The following PSMF1 variants were observed in gnomAD, a reference collection of about 807,000 sequenced individuals.
The protein encoded by PSMF1 is proteasome inhibitor PI31 subunit.
A neutral mutation model predicts 29.3 loss-of-function variants in PSMF1; 30 were observed. The observed-to-expected ratio is 1.02, with a 90% CI of 0.77 to 1.39. The LOEUF is 1.39. Among genes scored for constraint, PSMF1 ranks in the 40% most tolerant of loss-of-function variants. The probability of loss-of-function intolerance (pLI) is 0.00; values close to 1 mark genes in which losing one functional copy is unlikely to be tolerated. For missense variants in PSMF1, 344 were observed against 357.5 expected (o/e 0.96, Z 0.31); for synonymous variants, 134 against 139.7 (o/e 0.96, Z 0.29).
chr20:1,124,455 A>AT, intron 1 of PSMF1, among the ~76,000 whole-genome samples: 1 of 152,242 alleles, frequency 6.6e-6, no homozygotes, highest in Admixed American at 6.5e-5. Flanking sequence ...AGGAGCTTTC[A>AT]TACATTGCTA....
chr20:1,127,587 T>A, intron 3 of PSMF1, 79 bp downstream of exon 3: 1 of 1,176,766 alleles, frequency 8.5e-7, no homozygotes. Context: ...GGTGGATGTG[T>A]CCAGAAAATT....
intron 1 of PSMF1, among the ~76,000 whole-genome samples, chr20:1,120,827 A>G (rs1304771785): frequency 6.6e-6 from 1 of 151,990 alleles, no homozygotes; most frequent in Non-Finnish European, 1.5e-5. Context: ...ACCTACTCCT[A>G]GCTAGCTACT....
At chr20:1,122,176 C>T (rs2086095941) in intron 1 of PSMF1, among the ~76,000 whole-genome samples, 1 of 152,172 alleles carries the variant, frequency 6.6e-6, no homozygotes, top group African/African-American at 2.4e-5. Context: ...CTAGCCATAG[C>T]CTGGGCAATC....
At chr20:1,141,754 A>G (rs2086383475) in intron 4 of PSMF1, among the ~76,000 whole-genome samples, 2 of 152,234 alleles carry the variant, frequency 1.3e-5, no homozygotes, top group Non-Finnish European at 2.9e-5. Context: ...AGATGACATA[A>G]TGATCTACAT....
intron 3 of PSMF1, among the ~76,000 whole-genome samples, chr20:1,132,211 A>G (rs996544678): frequency 2.6e-5 from 4 of 151,482 alleles, no homozygotes; most frequent in African/African-American, 7.3e-5. Context: ...TTCTTCGTCA[A>G]GGTAGTTGTA....
Position 1,165,874 on chromosome 20 carries a change from C to A in PSMF1, c.*794C>A. The A allele has an allele frequency of 8.5e-7, 1 of 1,173,556 alleles. No individual in the cohort carries two copies. Among genetic ancestry groups the A allele is most frequent in the Non-Finnish European group, 1.1e-6 (1 of 942,610 alleles). The allele number at this position is 1,173,556 out of a possible 1,614,324, so 72.7% of individuals were successfully genotyped here. On this transcript the variant is annotated 3_prime_UTR_variant, in exon 7 of 7. Transcript: ENST00000335877. Reference sequence around the variant, plus strand: ...ACCTGAAGGCTAATCTTATTTTTGCCACTAACTTAGTGAATGACCCTAAGC... The same window carrying A: ...ACCTGAAGGCTAATCTTATTTTTGCAACTAACTTAGTGAATGACCCTAAGC...
At position 1,133,569 on chromosome 20, in the gene PSMF1, A is replaced by ATATATATATATATATTTTT; in HGVS notation, c.366-1551_366-1550insATATATATATATATTTTTT. On this transcript the variant is annotated intron_variant, in intron 3 of 6. Transcript: ENST00000335877. ...TCTATATATGTGTATATATATATAT[A>ATATATATATATATATTTTT]TTTTTTTTTTTTTTTTGGTGTAGTC... is the stretch of plus-strand genomic sequence containing the variant. 4.2e-3 allele frequency among the ~76,000 whole-genome samples: 226 copies of ATATATATATATATATTTTT among 53,208 alleles called. 4 individuals are homozygous for ATATATATATATATATTTTT. The highest frequency in any genetic ancestry group is 8.1e-3 in the Non-Finnish European group (176 of 21,834). 34.9% of individuals were successfully genotyped at this position (53,208 alleles called of 152,430 possible). A position where few individuals can be genotyped will look rare whatever the true frequency, so the allele number is the denominator to read the frequency against.
At chr20:1,138,582 G>T (rs1306726323) in intron 4 of PSMF1, among the ~76,000 whole-genome samples, 5 of 150,028 alleles carry the variant, frequency 3.3e-5, no homozygotes, top group Non-Finnish European at 7.4e-5. Context: ...TAGAAAAATA[G>T]CATTTGACAA....
At position 1,125,502 on chromosome 20, in the gene PSMF1, G is replaced by C. The variant is rs755988274; in HGVS notation, c.134G>C (p.Gly45Ala). 1.2e-6 allele frequency: 2 copies of C among 1,606,958 alleles called. No individual in the cohort carries two copies. The highest frequency in any genetic ancestry group is 4.5e-5 in the East Asian group (2 of 44,846). Reference sequence around the variant, plus strand: ...TCTCAACTGTGGTCTTCCCAGCCGGGTCCCAATGATAAGAAGTCAGAACTG... The same window carrying C: ...TCTCAACTGTGGTCTTCCCAGCCGGCTCCCAATGATAAGAAGTCAGAACTG... ...YFGLGVGDQPGPNDKKSELLP... is the reference protein window; with the variant it reads ...YFGLGVGDQPAPNDKKSELLP... The change falls in exon 2 of 7, where the codon GGT becomes GCT. Residue 45 changes from glycine (G) to alanine (A), a missense_variant. Physicochemically the swap from Gly to Ala is moderately conservative, Grantham distance 60. Transcript: ENST00000335877.
At chr20:1,121,237 GTT>G (rs1423120360) in intron 1 of PSMF1, among the ~76,000 whole-genome samples, 1 of 152,092 alleles carries the variant, frequency 6.6e-6, no homozygotes, top group Non-Finnish European at 1.5e-5. Context: ...AAAGATGCTG[GTT>G]TCAGACATCT....
In PSMF1 at chr20:1,165,694, C is replaced by T. The variant is rs2086721153; in HGVS notation, c.*614C>T. 6 of 1,000,248 alleles carry T rather than the reference C, an allele frequency of 6.0e-6. No individual in the cohort carries two copies. The highest frequency in any genetic ancestry group is 7.2e-6 in the Non-Finnish European group (6 of 838,080). The allele number at this position is 1,000,248 out of a possible 1,614,324, so 62.0% of individuals were successfully genotyped here. ...ATGAGTGACTGGAAATCCCATAGGC[C>T]ACAAGAATGACTTTCACAAGGGCAG... On this transcript the variant is annotated 3_prime_UTR_variant, in exon 7 of 7. Transcript: ENST00000335877.
chr20:1,142,081 G>A (rs142418883), intron 4 of PSMF1, among the ~76,000 whole-genome samples: 20 of 152,218 alleles, frequency 1.3e-4, no homozygotes, highest in Middle Eastern at 3.4e-3. Context: ...AATTAGCCAG[G>A]TGTGGTGGCG....
intron 1 of PSMF1, among the ~76,000 whole-genome samples, chr20:1,121,897 A>AG: frequency 6.6e-6 from 1 of 152,204 alleles, no homozygotes; most frequent in East Asian, 1.9e-4. Flanking sequence ...TTGGGTGCCA[A>AG]GGGGATAGGT....
At chr20:1,139,269 A>G (rs1005417666) in intron 4 of PSMF1, among the ~76,000 whole-genome samples, 1 of 152,222 alleles carries the variant, frequency 6.6e-6, no homozygotes, top group Non-Finnish European at 1.5e-5. Context: ...CACAGCTGAC[A>G]TTCTCCTTAA....
intron 4 of PSMF1, among the ~76,000 whole-genome samples, chr20:1,155,805 C>T (rs2086587982): frequency 6.6e-6 from 1 of 152,178 alleles, no homozygotes; most frequent in African/African-American, 2.4e-5. Context: ...GGAGCCCAAA[C>T]TTAACTAGGT....
rs147652296 is a variant in PSMF1, at chr20:1,157,425, G to A, written c.552-5705G>A. 1.1e-3 allele frequency among the ~76,000 whole-genome samples: 169 copies of A among 152,152 alleles called. 1 individual carries two copies. In the East Asian group the frequency reaches 0.014, roughly 13 times the overall value. On this transcript the variant is annotated intron_variant, in intron 4 of 6. Transcript: ENST00000335877. ...AAAGCCAAAATAAGGTCATAATTAC[G>A]CCTAACATAATACAACTATCCTTCG...
At chr20:1,118,501 C>T, upstream of PSMF1, 1 of 325,808 alleles carries the variant, frequency 3.1e-6, no homozygotes. Flanking sequence ...TTTGAGGGGC[C>T]ACGCCCCGCT....
rs1555760108 is a variant in PSMF1, at chr20:1,133,570, T to TATATATATATATATATATATATATA, written c.366-1551_366-1550insATATATATATATATATATATATATA. ...CTATATATGTGTATATATATATATA[T>TATATATATATATATATATATATATA]TTTTTTTTTTTTTTTGGTGTAGTCT... On this transcript the variant is annotated intron_variant, in intron 3 of 6. Transcript: ENST00000335877. 6.7e-4 allele frequency among the ~76,000 whole-genome samples: 42 copies of TATATATATATATATATATATATATA among 63,104 alleles called. 1 individual carries two copies. The highest frequency in any genetic ancestry group is 5.0e-3 in the Admixed American group (29 of 5,822). The allele number at this position is 63,104 out of a possible 152,430, so 41.4% of individuals were successfully genotyped here.
rs1395529136 is a variant in PSMF1 at position 1,170,890 on chromosome 20, A to G, written c.*5810A>G. ...CACACAGCGTGCTAGGCTTCTCCTC[A>G]TCGCATGTAGTACCCCTGACAACCC... On this transcript the variant is annotated 3_prime_UTR_variant, in exon 7 of 7. Coordinates refer to ENST00000335877, the MANE Select transcript of PSMF1 (RefSeq NM_006814.5). Among the ~76,000 whole-genome samples, 6 of 152,062 alleles carry G rather than the reference A, an allele frequency of 3.9e-5. No individual in the cohort carries two copies. The highest frequency in any genetic ancestry group is 7.4e-5 in the Non-Finnish European group (5 of 68,010).
Sources: allele counts gnomAD v4.1 joint callset (sites outside exome capture counted in the v4.1 genomes callset), GRCh38; gene constraint gnomAD v4.1.1; transcripts MANE v1.5; gene names NCBI Gene and HGNC (gene_info 2026-07-23, HGNC 2026-07-21).